Variants in ADGRD1 observed in about 807,000 individuals in gnomAD.
The protein encoded by ADGRD1 is G-protein coupled receptor 133.
In ADGRD1, 77 loss-of-function variants were observed where a neutral mutation model predicts 113.4. The observed-to-expected ratio is 0.68, with a 90% CI of 0.57 to 0.82. The LOEUF (loss-of-function observed/expected upper bound fraction) is 0.82, where lower values mean the gene tolerates loss of function less well. ADGRD1 is among the 40% of genes least tolerant of loss of function. ADGRD1 has a pLI of 0.00. For synonymous variants in ADGRD1, 474 were observed against 475.0 expected (o/e 1.00, Z 0.03); for missense variants, 1,036 against 1,139.1 (o/e 0.91, Z 1.30).
chr12:131,029,136 T>A (rs1880321923), intron 13 of ADGRD1, among the ~76,000 whole-genome samples: 1 of 152,254 alleles, frequency 6.6e-6, no homozygotes, highest in African/African-American at 2.4e-5. Flanking sequence ...CTTTCCTGAT[T>A]TCTCCAGTGG....
At chr12:131,044,213 G>A (rs548356637) in intron 13 of ADGRD1, among the ~76,000 whole-genome samples, 140 of 152,344 alleles carry the variant, frequency 9.2e-4, no homozygotes, top group Non-Finnish European at 1.6e-3. Flanking sequence ...AGTGGTGTTA[G>A]GACCATTTAA....
intron 21 of ADGRD1, among the ~76,000 whole-genome samples, chr12:131,132,292 T>G (rs1287937456): frequency 6.6e-6 from 1 of 152,186 alleles, no homozygotes; most frequent in Admixed American, 6.5e-5. Context: ...TGTCCTGGTG[T>G]GCTCTGGGCT....
intron 13 of ADGRD1, chr12:131,070,738 C>T: frequency 2.0e-6 from 1 of 496,586 alleles, no homozygotes. Flanking sequence ...CAGCACTATC[C>T]TGGGCGGAAC....
At chr12:131,002,870 C>A (rs781357996) in intron 9 of ADGRD1, 2 of 1,190,284 alleles carry the variant, frequency 1.7e-6, no homozygotes, top group Admixed American at 5.6e-5. Flanking sequence ...GCTGAGGGTC[C>A]CTCTGTGAGT....
chr12:130,982,989 T>C (rs777880584), intron 5 of ADGRD1, among the ~76,000 whole-genome samples: 10 of 152,180 alleles, frequency 6.6e-5, no homozygotes, highest in Middle Eastern at 6.8e-3. Context: ...TTAAGGGAAA[T>C]CCATTTTCTG....
chr12:131,135,871 C>T (rs1199705621), intron 21 of ADGRD1, among the ~76,000 whole-genome samples, 166 bp from the exon 22 acceptor site: 1 of 152,216 alleles, frequency 6.6e-6, no homozygotes, highest in African/African-American at 2.4e-5. Flanking sequence ...CGAGGCTCCT[C>T]CCAGGTAAAT....
In ADGRD1 at chr12:131,034,152, C is replaced by A. The variant is rs78139612; in HGVS notation, c.1473+19812C>A. On this transcript the variant is annotated intron_variant, in intron 13 of 24. Transcript: ENST00000261654. ...TCGAACCCTCTCGGGGCTTCCTCTG[C>A]ATTTCAAGTAAGATCTACACGCCCT... 7.5e-3 allele frequency among the ~76,000 whole-genome samples: 1,072 copies of A among 143,002 alleles called. 8 individuals carry two copies. Among genetic ancestry groups the A allele is most frequent in the South Asian group, 0.019 (86 of 4,432 alleles). The allele number at this position is 143,002 out of a possible 152,430, so 93.8% of individuals were successfully genotyped here. A position where few individuals can be genotyped will look rare whatever the true frequency, so the allele number is the denominator to read the frequency against.
chr12:131,051,633 G>A (rs910108682), intron 13 of ADGRD1, among the ~76,000 whole-genome samples: 1 of 151,970 alleles, frequency 6.6e-6, no homozygotes, highest in African/African-American at 2.4e-5. Context: ...ACAGGTGCCC[G>A]CCACCACGCC....
At chr12:131,007,713 C>G (rs150659723) in intron 12 of ADGRD1, among the ~76,000 whole-genome samples, 1,719 of 152,382 alleles carry the variant, frequency 0.011, 39 homozygotes, top group Admixed American at 0.058. Context: ...AGCATTGACA[C>G]CAGCCCCACA....
chr12:131,138,533 C>T (rs1951162798), intron 24 of ADGRD1, among the ~76,000 whole-genome samples: 1 of 152,210 alleles, frequency 6.6e-6, no homozygotes, highest in African/African-American at 2.4e-5. Context: ...CCGCCGCCCT[C>T]CAGAGCCCAG....
At chr12:131,045,591 C>G (rs375688050) in intron 13 of ADGRD1, among the ~76,000 whole-genome samples, 220 of 152,180 alleles carry the variant, frequency 1.4e-3, no homozygotes, top group African/African-American at 5.0e-3. Flanking sequence ...TGGATCACGC[C>G]CATGCCCACC....
chr12:131,011,090 C>G (rs1877811134), intron 12 of ADGRD1, among the ~76,000 whole-genome samples: 1 of 143,058 alleles, frequency 7.0e-6, no homozygotes, highest in African/African-American at 2.6e-5. Flanking sequence ...CCACCCTGCC[C>G]CACCTCACCC....
At chr12:131,045,757 C>T (rs915929954) in intron 13 of ADGRD1, among the ~76,000 whole-genome samples, 1 of 152,130 alleles carries the variant, frequency 6.6e-6, no homozygotes, top group African/African-American at 2.4e-5. Context: ...GGGGACAAAG[C>T]ACCACAGCTG....
At chr12:131,122,415 C>T (rs1950620914) in intron 20 of ADGRD1, among the ~76,000 whole-genome samples, 1 of 152,152 alleles carries the variant, frequency 6.6e-6, no homozygotes, top group Non-Finnish European at 1.5e-5. Flanking sequence ...CGCAGCGCCT[C>T]CCCGGGGCTG....
intron 12 of ADGRD1, among the ~76,000 whole-genome samples, chr12:131,010,906 T>G (rs1877787269): frequency 6.6e-6 from 1 of 152,122 alleles, no homozygotes; most frequent in Non-Finnish European, 1.5e-5. Flanking sequence ...CCTGGTAGGC[T>G]GAGGGAAAAG....
At chr12:131,087,345 A>G (rs1475852944) in intron 15 of ADGRD1, among the ~76,000 whole-genome samples, 2 of 152,128 alleles carry the variant, frequency 1.3e-5, no homozygotes, top group African/African-American at 4.8e-5. Context: ...AGCATCCTAG[A>G]CCTACGTGCT....
intron 13 of ADGRD1, chr12:131,024,197 C>G (rs1368682645): frequency 6.6e-6 from 1 of 152,344 alleles, no homozygotes; most frequent in Non-Finnish European, 1.5e-5. Context: ...GGGAGTTGTG[C>G]AGGAAGCAGG....
intron 13 of ADGRD1, among the ~76,000 whole-genome samples, chr12:131,056,328 C>G (rs1304255671): frequency 2.0e-5 from 3 of 152,174 alleles, no homozygotes; most frequent in Admixed American, 6.5e-5. Context: ...GAAACAGGAA[C>G]CAGTGAGAAT....
At chr12:131,132,916 A>G (rs944838582) in intron 21 of ADGRD1, among the ~76,000 whole-genome samples, 20 of 152,352 alleles carry the variant, frequency 1.3e-4, no homozygotes, top group African/African-American at 4.3e-4. Flanking sequence ...TGAAAGCAAA[A>G]GTGGCAAATA....
Sources: allele counts gnomAD v4.1 joint callset (sites outside exome capture counted in the v4.1 genomes callset), GRCh38; gene constraint gnomAD v4.1.1; transcripts MANE v1.5; gene names NCBI Gene and HGNC (gene_info 2026-07-23, HGNC 2026-07-21).